Variants in BPIFB4 observed in about 807,000 individuals in gnomAD.
BPIFB4 encodes BPI fold-containing family B member 4.
BPIFB4 carries 62 observed loss-of-function variants against 69.2 expected under a neutral mutation model. The ratio of observed to expected loss-of-function variants is 0.90; its 90% CI spans 0.73 to 1.11. BPIFB4 has a LOEUF of 1.11. Ranked by LOEUF, BPIFB4 falls within the 50% of genes least tolerant of loss-of-function variation. BPIFB4 has a pLI of 0.00. For synonymous variants in BPIFB4, 330 were observed against 332.7 expected (o/e 0.99, Z 0.09); for missense variants, 789 against 792.0 (o/e 1.00, Z 0.04).
chr20:33,100,310 C>A, intron 13 of BPIFB4, 116 bp from the exon 14 acceptor site: 1 of 798,060 alleles, frequency 1.3e-6, no homozygotes, highest in Non-Finnish European at 2.0e-6. Flanking sequence ...GAACAACCTG[C>A]CATCATGCTC....
Position 33,083,651 on chromosome 20 carries a change from C to T in BPIFB4, c.454C>T (p.Leu152=), listed in dbSNP as rs1981322245. 1 of 1,613,996 alleles carries T rather than the reference C, an allele frequency of 6.2e-7. No homozygotes were observed. The highest frequency in any genetic ancestry group is 1.3e-5 in the African/African-American group (1 of 74,894). Residue 152 remains leucine, a synonymous_variant, in exon 5 of 18, where the codon CTG becomes TTG. Coordinates refer to ENST00000375483, the MANE Select transcript of BPIFB4 (RefSeq NM_182519.3). ...APVGRLHRRE[L]QPGEIPPGVA... ...TGTGGGCAGGCTTCACCGGCGAGAG[C>T]TGCAGCCTGGAGAAATCCCACCTGG... is the stretch of plus-strand genomic sequence containing the variant.
intron 3 of BPIFB4, 71 bp downstream of exon 3, chr20:33,081,703 C>T: frequency 6.5e-7 from 1 of 1,529,536 alleles, no homozygotes; most frequent in South Asian, 1.2e-5. Flanking sequence ...TCTGAAGTAC[C>T]CAGGAACCTC....
chr20:33,107,973 G>A (rs546943459), intron 17 of BPIFB4, among the ~76,000 whole-genome samples, 153 bp downstream of exon 17: 1 of 152,310 alleles, frequency 6.6e-6, no homozygotes, highest in South Asian at 2.1e-4. Flanking sequence ...TGGGGCTGAG[G>A]GAACAAGGAG....
intron 17 of BPIFB4, among the ~76,000 whole-genome samples, chr20:33,108,717 T>C (rs1170870948): frequency 6.6e-6 from 1 of 152,160 alleles, no homozygotes; most frequent in African/African-American, 2.4e-5. Context: ...TGGGATTCTG[T>C]GTGTAACGTG....
Position 33,084,958 on chromosome 20 carries a change from C to T in BPIFB4, c.744C>T (p.Tyr248=), listed in dbSNP as rs769650615. 1.1e-5 allele frequency: 17 copies of T among 1,612,054 alleles called. No homozygotes were observed. In the East Asian group the frequency reaches 2.0e-4, roughly 19 times the overall value. The part of the protein sequence containing the change: ...SVRLLPGVGV[Y]LSLYTRVAIN... ...GGCTCCTGCCCGGCGTGGGTGTCTA[C>T]CTGAGCTTGTACACCCGTGTGGCCA... The change falls in exon 6 of 18, where the codon TAC becomes TAT. Residue 248 remains tyrosine, a synonymous_variant. Transcript: ENST00000375483.
At chr20:33,079,758 G>A (rs1981173920) in intron 1 of BPIFB4, 55 bp downstream of exon 1, 1 of 152,362 alleles carries the variant, frequency 6.6e-6, no homozygotes. Flanking sequence ...ACAGGCCTGG[G>A]AAGGTAATAA....
chr20:33,110,339 G>C (rs1243637226), intron 17 of BPIFB4, among the ~76,000 whole-genome samples: 1 of 152,176 alleles, frequency 6.6e-6, no homozygotes. Flanking sequence ...TGTGGTTTTG[G>C]CAAGAACACC....
chr20:33,092,148 T>A (rs1981617687), intron 10 of BPIFB4, among the ~76,000 whole-genome samples: 1 of 151,972 alleles, frequency 6.6e-6, no homozygotes, highest in Admixed American at 6.6e-5. Flanking sequence ...AGGAGTCTGG[T>A]CTTTAGAGGG....
chr20:33,088,956 GTCTCCTTAGGCT>G lies in BPIFB4; in HGVS notation c.927-4_934del. On this transcript the variant is annotated splice_acceptor_variant and splice_polypyrimidine_tract_variant and coding_sequence_variant and intron_variant, in exon 8 of 18. Transcript: ENST00000375483. LOFTEE classifies it high-confidence loss of function. ...CGAGCCTTGACCTCATCCTGCTCCT[GTCTCCTTAGGCT>G]TCTCCCCAATCTCGTGGACAATTTA... The G allele has an allele frequency of 6.2e-7, 1 of 1,613,682 alleles. No individual in the cohort carries two copies. Among genetic ancestry groups the G allele is most frequent in the Middle Eastern group, 1.6e-4 (1 of 6,062 alleles).
At chr20:33,108,809 C>T (rs993230485) in intron 17 of BPIFB4, among the ~76,000 whole-genome samples, 1 of 152,230 alleles carries the variant, frequency 6.6e-6, no homozygotes, top group Non-Finnish European at 1.5e-5. Context: ...AAGGATGCTG[C>T]AGTGAACATC....
intron 9 of BPIFB4, 129 bp from the exon 10 acceptor site, chr20:33,090,579 T>G: frequency 6.9e-7 from 1 of 1,453,782 alleles, no homozygotes; most frequent in Non-Finnish European, 9.1e-7. Context: ...ACCCAGAACT[T>G]TTGCTCTTTT....
At chr20:33,092,436 C>T in intron 10 of BPIFB4, 22 bp from the exon 11 acceptor site, 1 of 1,597,128 alleles carries the variant, frequency 6.3e-7, no homozygotes, top group Non-Finnish European at 8.6e-7. Context: ...CCCTGTGACC[C>T]CTTTCTTCTC....
intron 13 of BPIFB4, 102 bp from the exon 14 acceptor site, chr20:33,100,324 G>T (rs904263770): frequency 1.0e-6 from 1 of 988,464 alleles, no homozygotes; most frequent in Admixed American, 1.9e-5. Flanking sequence ...CATGCTCAGG[G>T]TTAACGAAGC....
At chr20:33,082,230 T>C (rs529342523) in intron 3 of BPIFB4, among the ~76,000 whole-genome samples, 9 of 152,326 alleles carry the variant, frequency 5.9e-5, no homozygotes, top group African/African-American at 1.9e-4. Context: ...GATCTCTGAG[T>C]ACCTCACAGG....
chr20:33,104,773 C>A (rs776910882), intron 15 of BPIFB4, 37 bp from the exon 16 acceptor site: 21 of 1,605,798 alleles, frequency 1.3e-5, no homozygotes, highest in Non-Finnish European at 1.7e-5. Flanking sequence ...CTGAGCAAAC[C>A]CCCTGCCCAG....
intron 1 of BPIFB4, among the ~76,000 whole-genome samples, chr20:33,079,905 T>C (rs1981178692): frequency 1.3e-5 from 2 of 152,226 alleles, no homozygotes; most frequent in Non-Finnish European, 1.5e-5. Flanking sequence ...ATTACATGCA[T>C]GCGCAGAGCT....
rs370665549 is a variant in BPIFB4, at chr20:33,105,526, C to G, written c.1744+653C>G. Among the ~76,000 whole-genome samples the G allele has an allele frequency of 7.2e-5, 11 of 152,246 alleles. No homozygotes were observed. The East Asian group carries it at 1.5e-3, about 21-fold the overall frequency. On this transcript the variant is annotated intron_variant, in intron 16 of 17. Transcript: ENST00000375483. ...CGTCTCAGGAATGTTACTGGGAAGG[C>G]TGCTTGTTGAACTATGGGGGTCATT... is the stretch of plus-strand genomic sequence containing the variant.
intron 8 of BPIFB4, 92 bp downstream of exon 8, chr20:33,089,121 G>A: frequency 1.3e-6 from 2 of 1,589,086 alleles, no homozygotes; most frequent in East Asian, 2.2e-5. Context: ...GGGCCTGCAG[G>A]TAACCCAGAG....
chr20:33,095,361 C>T (rs560835132), intron 12 of BPIFB4, among the ~76,000 whole-genome samples: 4 of 152,080 alleles, frequency 2.6e-5, no homozygotes, highest in Non-Finnish European at 4.4e-5. Context: ...GGTGGAAAGA[C>T]CCTGAATTCT....
Sources: allele counts gnomAD v4.1 joint callset (sites outside exome capture counted in the v4.1 genomes callset), GRCh38; gene constraint gnomAD v4.1.1; transcripts MANE v1.5; gene names NCBI Gene and HGNC (gene_info 2026-07-23, HGNC 2026-07-21).